DPP10: variants seen among roughly 807,000 people sequenced by gnomAD.
DPP10 encodes dipeptidyl peptidase like 10.
In DPP10, 33 loss-of-function variants were observed where a neutral mutation model predicts 120.9. That is an observed-to-expected ratio of 0.27 (90% CI 0.21 to 0.37). DPP10 has a LOEUF of 0.37. Among genes scored for constraint, DPP10 ranks in the 10% least tolerant of loss-of-function variants. The probability of loss-of-function intolerance (pLI) is 1.00; values close to 1 mark genes in which losing one functional copy is unlikely to be tolerated. For synonymous variants in DPP10, 337 were observed against 326.1 expected, an observed-to-expected ratio of 1.03 and a Z score of -0.36; for missense variants, 816 against 942.8, an observed-to-expected ratio of 0.87 and a Z score of 1.76.
At chr2:115,171,358 C>CAAAAAAAAA (rs752738778) in intron 1 of DPP10, among the ~76,000 whole-genome samples, 10 of 114,364 alleles carry the variant, frequency 8.7e-5, no homozygotes, top group South Asian at 2.8e-4. Context: ...GAGACTCCAT[C>CAAAAAAAAA]AAAAAAAAAA....
chr2:115,829,797 T>G (rs1330599155), intron 21 of DPP10, among the ~76,000 whole-genome samples: 13 of 152,124 alleles, frequency 8.5e-5, no homozygotes. Flanking sequence ...ATTTTCTCAG[T>G]GTTATTTTCT....
intron 1 of DPP10, among the ~76,000 whole-genome samples, chr2:114,738,157 CT>C (rs1198348908): frequency 6.6e-6 from 1 of 152,180 alleles, no homozygotes. Context: ...AAAAGGAAGT[CT>C]GCTCCTGTGA....
At chr2:115,644,617 G>GAAAA (rs374225458) in intron 5 of DPP10, among the ~76,000 whole-genome samples, 3 of 138,264 alleles carry the variant, frequency 2.2e-5, no homozygotes, top group South Asian at 4.7e-4. Context: ...TAAGGTATTT[G>GAAAA]AAAAAAAAAA....
intron 3 of DPP10, among the ~76,000 whole-genome samples, chr2:115,345,634 A>G (rs571076307): frequency 4.6e-5 from 7 of 152,244 alleles, no homozygotes; most frequent in African/African-American, 1.7e-4. Context: ...ATGAAAAATT[A>G]TGGGTCTCAT....
At chr2:114,988,125 A>C (rs912606167) in intron 1 of DPP10, among the ~76,000 whole-genome samples, 6 of 152,082 alleles carry the variant, frequency 3.9e-5, no homozygotes, top group Non-Finnish European at 5.9e-5. Flanking sequence ...AGTCTTGTTC[A>C]TCTTCATGTG....
At chr2:115,183,465 T>C (rs1022956840) in intron 1 of DPP10, among the ~76,000 whole-genome samples, 10 of 152,168 alleles carry the variant, frequency 6.6e-5, no homozygotes, top group African/African-American at 2.4e-4. Context: ...TGTCTCTCCA[T>C]ATACCTACAC....
chr2:114,502,060 C>T (rs749516572), intron 1 of DPP10, among the ~76,000 whole-genome samples: 3 of 151,526 alleles, frequency 2.0e-5, no homozygotes, highest in East Asian at 1.9e-4. Flanking sequence ...TTTAGCCTCC[C>T]GAGTAGCTGG....
chr2:115,166,569 A>G (rs2052887628), intron 1 of DPP10, among the ~76,000 whole-genome samples: 1 of 147,102 alleles, frequency 6.8e-6, no homozygotes, highest in South Asian at 2.1e-4. Context: ...ATATAAATTT[A>G]TAATATAAAT....
chr2:114,712,965 A>G (rs901025416), intron 1 of DPP10, among the ~76,000 whole-genome samples: 1 of 151,400 alleles, frequency 6.6e-6, no homozygotes, highest in Non-Finnish European at 1.5e-5. Context: ...AAGTTTTTAC[A>G]ATTATAAATA....
intron 1 of DPP10, among the ~76,000 whole-genome samples, chr2:114,483,655 T>C (rs751155662): frequency 4.6e-5 from 7 of 152,014 alleles, no homozygotes; most frequent in Non-Finnish European, 1.0e-4. Context: ...AAAAAAGGAG[T>C]GCTCACGCTA....
intron 4 of DPP10, among the ~76,000 whole-genome samples, chr2:115,514,925 C>G (rs1263244423): frequency 1.3e-5 from 2 of 151,730 alleles, no homozygotes; most frequent in South Asian, 4.1e-4. Flanking sequence ...TGGATCTATA[C>G]ATAAACAATA....
intron 1 of DPP10, among the ~76,000 whole-genome samples, chr2:115,170,230 G>A (rs116422998): frequency 0.016 from 2,409 of 152,268 alleles, 32 homozygotes; most frequent in Non-Finnish European, 0.025. Context: ...TTTAATGTAA[G>A]TTAATCAATG....
At chr2:115,016,846 G>T (rs1345976014) in intron 1 of DPP10, among the ~76,000 whole-genome samples, 1 of 152,048 alleles carries the variant, frequency 6.6e-6, no homozygotes, top group East Asian at 1.9e-4. Context: ...AGAAAATGTG[G>T]CACATATACA....
At chr2:115,660,241 T>C (rs892423422) in intron 5 of DPP10, among the ~76,000 whole-genome samples, 2 of 152,212 alleles carry the variant, frequency 1.3e-5, no homozygotes, top group African/African-American at 4.8e-5. Flanking sequence ...TGGTAATTGT[T>C]GCTCCTTTTT....
At chr2:114,711,535 T>G (rs1160107900) in intron 1 of DPP10, among the ~76,000 whole-genome samples, 1 of 152,190 alleles carries the variant, frequency 6.6e-6, no homozygotes, top group Non-Finnish European at 1.5e-5. Context: ...GATAATAGAA[T>G]GTACTCATAA....
Position 115,807,287 on chromosome 2 carries a change from G to A in DPP10, c.1701-7506G>A, listed in dbSNP as rs1326349967. On this transcript the variant is annotated intron_variant, in intron 19 of 25. Coordinates refer to ENST00000410059, the MANE Select transcript of DPP10 (RefSeq NM_020868.6). The stretch of plus-strand genomic sequence containing the variant: ...ATTTCTGGCTAGGAGATGTCCCTGA[G>A]GTCCTTTTCTATTGGTTGTATTCTT... Among the ~76,000 whole-genome samples, 4 of 152,086 alleles carry A rather than the reference G, an allele frequency of 2.6e-5. No homozygotes were observed. In the East Asian group the frequency reaches 5.8e-4, roughly 22 times the overall value.
chr2:114,588,848 T>TA (rs1486287505), intron 1 of DPP10, among the ~76,000 whole-genome samples: 1 of 152,128 alleles, frequency 6.6e-6, no homozygotes, highest in Admixed American at 6.5e-5. Flanking sequence ...ATGATTTAGT[T>TA]ACGGATTTTT....
intron 3 of DPP10, among the ~76,000 whole-genome samples, chr2:115,483,063 A>C (rs1006213383): frequency 6.6e-6 from 1 of 152,106 alleles, no homozygotes; most frequent in African/African-American, 2.4e-5. Flanking sequence ...GTACACAGCC[A>C]TTTTGATGGT....
intron 1 of DPP10, among the ~76,000 whole-genome samples, chr2:114,910,896 C>T (rs182714856): frequency 1.1e-3 from 162 of 152,206 alleles, no homozygotes; most frequent in Non-Finnish European, 1.9e-3. Flanking sequence ...GACTTCTTCC[C>T]ACTATGCAGG....
Sources: gnomAD v4.1 joint callset for allele counts (sites outside exome capture counted in the v4.1 genomes callset) on GRCh38, gnomAD v4.1.1 for gene constraint, MANE v1.5 for transcripts, NCBI Gene and HGNC (gene_info 2026-07-23, HGNC 2026-07-21) for gene names.